The following PPARA variants were observed in gnomAD, a reference collection of about 807,000 sequenced individuals.
The protein encoded by PPARA is peroxisome proliferator-activated receptor alpha.
PPARA carries 22 observed loss-of-function variants against 42.2 expected under a neutral mutation model. The observed-to-expected ratio is 0.52, with a 90% confidence interval of 0.37 to 0.74. The LOEUF (loss-of-function observed/expected upper bound fraction) is 0.74, where lower values mean the gene tolerates loss of function less well. PPARA is among the 30% of genes least tolerant of loss of function. The pLI, the probability that PPARA is intolerant of heterozygous loss-of-function variation, is 0.00. For synonymous variants in PPARA, 242 were observed against 239.3 expected, an observed-to-expected ratio of 1.01 and a Z score of -0.10; for missense variants, 465 against 608.2, an observed-to-expected ratio of 0.76 and a Z score of 2.48.
Position 46,224,976 on chromosome 22 carries a change from G to T in PPARA, c.711+4962G>T, listed in dbSNP as rs572621034. ...GCTGGAACAGGCTAGAATGCTGGGG[G>T]GGGGCCTGAAACCGGTGGGGGAGTT... On this transcript the variant is annotated intron_variant, in intron 7 of 8. Coordinates refer to ENST00000407236, the MANE Select transcript of PPARA (RefSeq NM_005036.6). This position sits in a 1 kb window ranked among gnomAD's most constrained non-coding sequence, Gnocchi z 5.7. Among the ~76,000 whole-genome samples the T allele has an allele frequency of 4.6e-4, 70 of 151,922 alleles. No individual in the cohort carries two copies. Among genetic ancestry groups the T allele is most frequent in the African/African-American group, 1.6e-3 (66 of 41,436 alleles).
rs1460769481 is a variant in PPARA, at chr22:46,173,426, T to G, written c.-126-3327T>G. 6.6e-6 allele frequency among the ~76,000 whole-genome samples: 1 copy of G among 152,188 alleles called. No homozygotes were observed. The highest frequency in any genetic ancestry group is 1.5e-5 in the Non-Finnish European group (1 of 68,034). On this transcript the variant is annotated intron_variant, in intron 2 of 8. Transcript: ENST00000407236. The surrounding 1 kb of genome is among the most constrained non-coding windows in gnomAD (Gnocchi z 4.3). ...TTCAGGATGGGACATGGGATATACC[T>G]CGAGTTAGAGGTTCTTATTAACTGT...
intron 4 of PPARA, among the ~76,000 whole-genome samples, chr22:46,198,867 G>A (rs924962615): frequency 5.9e-5 from 9 of 152,026 alleles, no homozygotes; most frequent in Non-Finnish European, 1.0e-4. Context: ...CACTGTGTTA[G>A]CCAGGATGGT....
Position 46,239,532 on chromosome 22 carries a change from G to T in PPARA, c.*4152G>T, listed in dbSNP as rs890277253. On this transcript the variant is annotated 3_prime_UTR_variant, in exon 9 of 9. Coordinates refer to ENST00000407236, the MANE Select transcript of PPARA (RefSeq NM_005036.6). ...TGGAAGGAACTTCGGTTGTGTAAAGGGAGCCTTGAAGATACGTGCAAAAGG... is the reference window on the plus strand; with the variant it reads ...TGGAAGGAACTTCGGTTGTGTAAAGTGAGCCTTGAAGATACGTGCAAAAGG... 3 of 148,494 alleles carry T rather than the reference G, an allele frequency of 2.0e-5. No homozygotes were observed. The highest frequency in any genetic ancestry group is 7.5e-5 in the African/African-American group (3 of 39,972). The allele number at this position is 148,494 out of a possible 1,614,324, so 9.2% of individuals were successfully genotyped here.
chr22:46,232,766 A>G lies in PPARA; in HGVS notation c.1159+527A>G, dbSNP rs1211604948. On this transcript the variant is annotated intron_variant, in intron 8 of 8. Coordinates refer to ENST00000407236, the MANE Select transcript of PPARA (RefSeq NM_005036.6). This position sits in a 1 kb window ranked among gnomAD's most constrained non-coding sequence, Gnocchi z 5.3. ...TGAGGTGGGTGGATCACTTGAGCCC[A>G]GGAGGTTGAGACCAGCCTGGGCAAC... is the stretch of plus-strand genomic sequence containing the variant. 6.6e-6 allele frequency among the ~76,000 whole-genome samples: 1 copy of G among 151,582 alleles called. No homozygotes were observed. Among genetic ancestry groups the G allele is most frequent in the African/African-American group, 2.4e-5 (1 of 41,286 alleles).
chr22:46,198,523 G>T lies in PPARA; in HGVS notation c.140G>T (p.Gly47Val), dbSNP rs1394973252. ...ISQSIGEDSSGSFGFTEYQYL... is the reference protein window; with the variant it reads ...ISQSIGEDSSVSFGFTEYQYL... ...CAATCCATCGGCGAGGATAGTTCTG[G>T]AAGCTTTGGCTTTACGGAATACCAG... The change falls in exon 4 of 9, where the codon GGA (glycine) becomes GTA (valine). Residue 47 changes from glycine to valine, a missense_variant. Around this residue, in one of 2 missense-constraint regions of PPARA, gnomAD observed 152 missense variants for 139.1 expected, o/e 1.09. Transcript: ENST00000407236. The T allele has an allele frequency of 1.4e-5, 23 of 1,614,114 alleles. No homozygotes were observed. The highest frequency in any genetic ancestry group is 1.9e-5 in the Non-Finnish European group (23 of 1,180,030).
At chr22:46,194,388 C>G (rs1931944833) in intron 3 of PPARA, among the ~76,000 whole-genome samples, 1 of 152,198 alleles carries the variant, frequency 6.6e-6, no homozygotes, top group African/African-American at 2.4e-5. Flanking sequence ...AATATAACGA[C>G]AAGCAAACTA....
At chr22:46,186,767 C>T (rs1467016167) in intron 3 of PPARA, among the ~76,000 whole-genome samples, 1 of 152,084 alleles carries the variant, frequency 6.6e-6, no homozygotes, top group African/African-American at 2.4e-5. Context: ...AAGAAATGTA[C>T]AGTGCTCCCC....
chr22:46,154,473 C>A (rs1423015886), intron 2 of PPARA, among the ~76,000 whole-genome samples: 1 of 151,916 alleles, frequency 6.6e-6, no homozygotes, highest in Non-Finnish European at 1.5e-5. Flanking sequence ...CAAAAATTAG[C>A]CAGGTATAGT....
At chr22:46,198,716 A>T (rs980494150) in intron 4 of PPARA, 125 bp downstream of exon 4, 66 of 981,506 alleles carry the variant, frequency 6.7e-5, no homozygotes, top group Admixed American at 9.5e-5. Context: ...GCTGGAGTGC[A>T]ATGGCTCGAT....
In PPARA at chr22:46,232,201, A is replaced by G. The variant is rs753049791; in HGVS notation, c.1121A>G (p.Asp374Gly). 4 of 1,614,068 alleles carry G rather than the reference A, an allele frequency of 2.5e-6. No individual in the cohort carries two copies. In the South Asian group the frequency reaches 3.3e-5, roughly 13 times the overall value. ...AATGCACTGGAACTGGATGACAGTG[A>G]TATCTCCCTTTTTGTGGCTGCTATC... Reference protein sequence around the residue: ...KFNALELDDSDISLFVAAIIC... With the variant: ...KFNALELDDSGISLFVAAIIC... Residue 374 changes from aspartate to glycine, a missense_variant, in exon 8 of 9, where the codon GAT (aspartate) becomes GGT (glycine). Asp to Gly is a moderately conservative substitution (Grantham distance 94, BLOSUM62 -1). This residue lies in a region of PPARA where 313 missense variants were observed against 469.1 expected (regional missense o/e 0.67). Transcript: ENST00000407236. This position sits in a 1 kb window ranked among gnomAD's most constrained non-coding sequence, Gnocchi z 5.3.
chr22:46,179,698 G>T (rs934715077), intron 3 of PPARA, among the ~76,000 whole-genome samples: 1 of 151,784 alleles, frequency 6.6e-6, no homozygotes, highest in Non-Finnish European at 1.5e-5. Context: ...ATCTATGAAA[G>T]AAAAAAATCA....
rs1936342617 is a variant in PPARA, at chr22:46,240,456, C to T, written c.*5076C>T. 2.5e-6 allele frequency: 1 copy of T among 392,838 alleles called. No homozygotes were observed. Among genetic ancestry groups the T allele is most frequent in the Non-Finnish European group, 4.5e-6 (1 of 223,124 alleles). 24.3% of individuals were successfully genotyped at this position (392,838 alleles called of 1,614,324 possible). On this transcript the variant is annotated 3_prime_UTR_variant, in exon 9 of 9. Coordinates refer to ENST00000407236, the MANE Select transcript of PPARA (RefSeq NM_005036.6). This position sits in a 1 kb window ranked among gnomAD's most constrained non-coding sequence, Gnocchi z 6.0. ...CAGCCTTGTCCTCAGCTCCCATCTC[C>T]TGGACTGCCAGCCTCACCCTCTGCA...
In PPARA at chr22:46,235,188, A is replaced by G; in HGVS notation, c.1215A>G (p.Val405=). ...GHIEKMQEGI[V]HVLRLHLQSN... ...TTGAAAAAATGCAGGAGGGTATTGT[A>G]CATGTGCTCAGACTCCACCTGCAGA... The change falls in exon 9 of 9, where the codon GTA becomes GTG. Residue 405 remains valine, a synonymous_variant. Transcript: ENST00000407236. This position sits in a 1 kb window ranked among gnomAD's most constrained non-coding sequence, Gnocchi z 7.0. 1 of 1,613,978 alleles carries G rather than the reference A, an allele frequency of 6.2e-7. No homozygotes were observed.
chr22:46,208,471 C>T (rs989047270), intron 4 of PPARA, among the ~76,000 whole-genome samples: 3 of 151,646 alleles, frequency 2.0e-5, no homozygotes, highest in African/African-American at 4.9e-5. Context: ...TCACTTGAAC[C>T]CAAGAGGCAG....
In PPARA at chr22:46,154,011, T is replaced by A. The variant is rs73458781; in HGVS notation, c.-127+2041T>A. Among the ~76,000 whole-genome samples the A allele has an allele frequency of 8.9e-3, 1,353 of 152,344 alleles. 14 individuals carry two copies. Among genetic ancestry groups the A allele is most frequent in the African/African-American group, 0.031 (1,290 of 41,568 alleles). Reference sequence around the variant, plus strand: ...AAACATTTCTGCATCATTTGAAATGTCTATATAATATCCCATTGTGTTTAG... The same window carrying A: ...AAACATTTCTGCATCATTTGAAATGACTATATAATATCCCATTGTGTTTAG... On this transcript the variant is annotated intron_variant, in intron 2 of 8. Coordinates refer to ENST00000407236, the MANE Select transcript of PPARA (RefSeq NM_005036.6).
chr22:46,189,191 T>C (rs946140998), intron 3 of PPARA, among the ~76,000 whole-genome samples: 1 of 152,254 alleles, frequency 6.6e-6, no homozygotes, highest in African/African-American at 2.4e-5. Flanking sequence ...GCTTTTCTTC[T>C]CTTATTTTGA....
chr22:46,233,532 T>C lies in PPARA; in HGVS notation c.1159+1293T>C, dbSNP rs924506068. 1.3e-5 allele frequency among the ~76,000 whole-genome samples: 2 copies of C among 152,224 alleles called. No individual in the cohort carries two copies. The highest frequency in any genetic ancestry group is 2.9e-5 in the Non-Finnish European group (2 of 68,030). On this transcript the variant is annotated intron_variant, in intron 8 of 8. Coordinates refer to ENST00000407236, the MANE Select transcript of PPARA (RefSeq NM_005036.6). The surrounding 1 kb of genome is among the most constrained non-coding windows in gnomAD (Gnocchi z 7.3). ...ACTCAGCCCTACCAGCCGTGCCCGT[T>C]ACTGTGTGGCTGGGCACAAGTCAGA...
chr22:46,204,843 A>G lies in PPARA; in HGVS notation c.208+6252A>G, dbSNP rs1009184556. ...CTTTCTACTGATAGTATCTTAAAAA[A>G]AAAAAAGAAAAAAGATTGTTTTGTT... On this transcript the variant is annotated intron_variant, in intron 4 of 8. Transcript: ENST00000407236. This position sits in a 1 kb window ranked among gnomAD's most constrained non-coding sequence, Gnocchi z 5.2. Among the ~76,000 whole-genome samples the G allele has an allele frequency of 1.3e-5, 2 of 151,606 alleles. No individual in the cohort carries two copies. Among genetic ancestry groups the G allele is most frequent in the African/African-American group, 4.9e-5 (2 of 41,014 alleles).
At position 46,204,578 on chromosome 22, in the gene PPARA, G is replaced by A. The variant is rs555834129; in HGVS notation, c.208+5987G>A. Among the ~76,000 whole-genome samples, 2 of 152,228 alleles carry A rather than the reference G, an allele frequency of 1.3e-5. No individual in the cohort carries two copies. Among genetic ancestry groups the A allele is most frequent in the South Asian group, 4.1e-4 (2 of 4,824 alleles). On this transcript the variant is annotated intron_variant, in intron 4 of 8. Coordinates refer to ENST00000407236, the MANE Select transcript of PPARA (RefSeq NM_005036.6). This position sits in a 1 kb window ranked among gnomAD's most constrained non-coding sequence, Gnocchi z 5.2. ...TAACCATGTCAGTAGGTGTGTGATG[G>A]TCTCTCACTGTGGTGATTTTTATTT...
Sources: gnomAD v4.1 joint callset for allele counts (sites outside exome capture counted in the v4.1 genomes callset) on GRCh38, gnomAD v4.1.1 for gene constraint, gnomAD v4.1.1 regional missense constraint, Gnocchi (gnomAD v3.1) non-coding constraint, MANE v1.5 for transcripts, NCBI Gene and HGNC (gene_info 2026-07-23, HGNC 2026-07-21) for gene names.